ARMH4: variants seen among roughly 807,000 people sequenced by gnomAD.
The protein encoded by ARMH4 is armadillo-like helical domain-containing protein 4.
In ARMH4, 49 loss-of-function variants were observed where a neutral mutation model predicts 61.9. The ratio of observed to expected loss-of-function variants is 0.79; its 90% CI spans 0.63 to 1.00. The LOEUF is 1.00. Among genes scored for constraint, ARMH4 ranks in the 50% least tolerant of loss-of-function variants. ARMH4 has a pLI of 0.00. For synonymous variants in ARMH4, 368 were observed against 341.5 expected, an observed-to-expected ratio of 1.08 and a Z score of -0.85; for missense variants, 934 against 930.0, an observed-to-expected ratio of 1.00 and a Z score of -0.06.
intron 5 of ARMH4, among the ~76,000 whole-genome samples, chr14:58,079,022 T>C (rs1301545525): frequency 6.6e-6 from 1 of 152,232 alleles, no homozygotes; most frequent in East Asian, 1.9e-4. Flanking sequence ...CATCTGAATA[T>C]GATGCTTGGG....
At chr14:58,091,150 T>G (rs537131113) in intron 5 of ARMH4, among the ~76,000 whole-genome samples, 1 of 151,724 alleles carries the variant, frequency 6.6e-6, no homozygotes, top group Non-Finnish European at 1.5e-5. Context: ...AGGTGGAGGT[T>G]GTAGTGAGCC....
intron 4 of ARMH4, among the ~76,000 whole-genome samples, chr14:58,106,231 G>T (rs1361436379): frequency 6.6e-6 from 1 of 152,116 alleles, no homozygotes; most frequent in Non-Finnish European, 1.5e-5. Context: ...CATCCTTACC[G>T]AGATCAAGTC....
At chr14:58,105,309 A>G (rs573866871) in intron 4 of ARMH4, among the ~76,000 whole-genome samples, 12 of 152,332 alleles carry the variant, frequency 7.9e-5, no homozygotes, top group African/African-American at 2.6e-4. Context: ...AACCCCAAAT[A>G]AGAATGGGGT....
At chr14:58,051,078 T>C (rs1335883444) in intron 5 of ARMH4, among the ~76,000 whole-genome samples, 2 of 151,182 alleles carry the variant, frequency 1.3e-5, no homozygotes, top group Non-Finnish European at 2.9e-5. Context: ...CTATGGTTGA[T>C]CAGGCACCCA....
At chr14:58,011,685 C>T (rs1882412111) in intron 6 of ARMH4, among the ~76,000 whole-genome samples, 1 of 150,906 alleles carries the variant, frequency 6.6e-6, no homozygotes, top group African/African-American at 2.4e-5. Flanking sequence ...TGTAGTTGGC[C>T]ATTCCAGACA....
chr14:58,111,555 G>A (rs1285517711), intron 4 of ARMH4, among the ~76,000 whole-genome samples: 3 of 152,206 alleles, frequency 2.0e-5, no homozygotes, highest in Admixed American at 1.3e-4. Flanking sequence ...CCAAGATCAA[G>A]GCACCAGCCA....
At chr14:58,058,416 G>C (rs12147148) in intron 5 of ARMH4, among the ~76,000 whole-genome samples, 45,288 of 151,988 alleles carry the variant, frequency 0.3, 7,574 homozygotes, top group Non-Finnish European at 0.38. Context: ...AGGCCCAAGG[G>C]TTGCTGCTTG....
intron 4 of ARMH4, 69 bp from the exon 5 acceptor site, chr14:58,097,050 G>A: frequency 6.7e-7 from 1 of 1,483,394 alleles, no homozygotes; most frequent in Non-Finnish European, 9.3e-7. Context: ...ATGAATCCTT[G>A]GAAATGATCC....
chr14:58,062,620 C>T (rs547517801), intron 5 of ARMH4, among the ~76,000 whole-genome samples: 3 of 152,264 alleles, frequency 2.0e-5, no homozygotes, highest in South Asian at 4.1e-4. Context: ...AGCTATGTGC[C>T]GGGCACGAGG....
At position 58,002,396 on chromosome 14, in the gene ARMH4, G is replaced by C. The variant is rs887285375; in HGVS notation, c.*2340C>G. On this transcript the variant is annotated 3_prime_UTR_variant, in exon 8 of 8. Transcript: ENST00000267485. ...TTAAGAAATCATGTGTCCCAAAAAG[G>C]ACCACAGAGATACTGTGTTAAGCCA... 1 of 152,032 alleles carries C rather than the reference G, an allele frequency of 6.6e-6. No homozygotes were observed. The highest frequency in any genetic ancestry group is 2.4e-5 in the African/African-American group (1 of 41,374). 9.4% of individuals were successfully genotyped at this position (152,032 alleles called of 1,614,324 possible).
At position 58,035,058 on chromosome 14, in the gene ARMH4, T is replaced by C. The variant is rs1156889397; in HGVS notation, c.2090-22908A>G. 6.3e-5 allele frequency among the ~76,000 whole-genome samples: 9 copies of C among 143,550 alleles called. No homozygotes were observed. The South Asian group carries it at 9.2e-4, about 15-fold the overall frequency. 94.2% of individuals were successfully genotyped at this position (143,550 alleles called of 152,430 possible). A position where few individuals can be genotyped will look rare whatever the true frequency, so the allele number is the denominator to read the frequency against. On this transcript the variant is annotated intron_variant, in intron 5 of 7. Transcript: ENST00000267485. ...TCAGCTCTGCACCAAGCGGACCTAATAGACATCTACAGAACTCTCCACCCC... is the reference window on the plus strand; with the variant it reads ...TCAGCTCTGCACCAAGCGGACCTAACAGACATCTACAGAACTCTCCACCCC...
chr14:58,102,817 CAAAAAAAAAAA>C (rs398025219), intron 4 of ARMH4, among the ~76,000 whole-genome samples: 3 of 50,948 alleles, frequency 5.9e-5, no homozygotes, highest in African/African-American at 1.6e-4. Flanking sequence ...GACTCCGTCT[CAAAAAAAAAAA>C]AAAAAAAAAA....
chr14:58,038,837 A>G (rs1883580531), intron 5 of ARMH4, among the ~76,000 whole-genome samples: 1 of 152,230 alleles, frequency 6.6e-6, no homozygotes, highest in Non-Finnish European at 1.5e-5. Flanking sequence ...AATTAGACAA[A>G]CCACTAAAAT....
At chr14:58,146,458 TA>T (rs35059305) in intron 1 of ARMH4, among the ~76,000 whole-genome samples, 1 of 152,226 alleles carries the variant, frequency 6.6e-6, no homozygotes, top group South Asian at 2.1e-4. Context: ...TTGAATAGCT[TA>T]AAAAGCATCT....
chr14:58,085,408 T>TC (rs1401818917), intron 5 of ARMH4, among the ~76,000 whole-genome samples: 1 of 151,906 alleles, frequency 6.6e-6, no homozygotes, highest in Non-Finnish European at 1.5e-5. Context: ...TTTCAATAAT[T>TC]CCCCAACTGA....
chr14:58,044,961 A>T (rs1883878824), intron 5 of ARMH4, among the ~76,000 whole-genome samples: 1 of 152,204 alleles, frequency 6.6e-6, no homozygotes, highest in African/African-American at 2.4e-5. Flanking sequence ...GCCAGGAAAC[A>T]ACAGGTGCTG....
chr14:58,082,810 C>G (rs1885268763), intron 5 of ARMH4, among the ~76,000 whole-genome samples: 1 of 152,138 alleles, frequency 6.6e-6, no homozygotes, highest in South Asian at 2.1e-4. Context: ...AAGTCCACCC[C>G]TGAAAATGCT....
rs1882065565 is a variant in ARMH4, at chr14:58,003,883, G to A, written c.*853C>T. On this transcript the variant is annotated 3_prime_UTR_variant, in exon 8 of 8. Transcript: ENST00000267485. ...TAAGCATAGAACCAAATGGCAGACA[G>A]AAATGCTCTGAGAGCTTACCTACCC... The A allele has an allele frequency of 6.6e-6, 1 of 152,180 alleles. No individual in the cohort carries two copies. The highest frequency in any genetic ancestry group is 1.5e-5 in the Non-Finnish European group (1 of 68,028). 9.4% of individuals were successfully genotyped at this position (152,180 alleles called of 1,614,324 possible).
intron 5 of ARMH4, among the ~76,000 whole-genome samples, chr14:58,044,663 T>G (rs552063665): frequency 1.3e-5 from 2 of 152,044 alleles, no homozygotes; most frequent in Admixed American, 1.3e-4. Flanking sequence ...GAAACTACCA[T>G]CAGAGTGAAC....
Sources: allele counts gnomAD v4.1 joint callset (sites outside exome capture counted in the v4.1 genomes callset), GRCh38; gene constraint gnomAD v4.1.1; transcripts MANE v1.5; gene names NCBI Gene and HGNC (gene_info 2026-07-23, HGNC 2026-07-21).